Variants in CRPPA observed in about 807,000 individuals in gnomAD.
The protein encoded by CRPPA is CDP-L-ribitol pyrophosphorylase A, also known as D-ribitol-5-phosphate cytidylyltransferase.
CRPPA carries 43 observed loss-of-function variants against 52.0 expected under a neutral mutation model. The observed-to-expected ratio is 0.83, with a 90% CI of 0.65 to 1.07. The LOEUF (loss-of-function observed/expected upper bound fraction) is 1.07. Ranked by LOEUF, CRPPA falls within the 50% of genes least tolerant of loss-of-function variation. The pLI is 0.00. For synonymous variants in CRPPA, 250 were observed against 203.5 expected (o/e 1.23, Z -1.94); for missense variants, 629 against 551.7 (o/e 1.14, Z -1.40).
intron 2 of CRPPA, among the ~76,000 whole-genome samples, chr7:16,377,551 G>A (rs1255546937): frequency 6.6e-6 from 1 of 152,184 alleles, no homozygotes; most frequent in Non-Finnish European, 1.5e-5. Flanking sequence ...TGAAACTAGT[G>A]AAAAGTATTT....
chr7:16,315,449 C>T (rs1272589721), intron 3 of CRPPA, among the ~76,000 whole-genome samples: 1 of 152,108 alleles, frequency 6.6e-6, no homozygotes, highest in African/African-American at 2.4e-5. Flanking sequence ...CAAGGTAAAT[C>T]GGACTTGTAC....
intron 3 of CRPPA, among the ~76,000 whole-genome samples, chr7:16,336,948 T>C (rs908970033): frequency 6.6e-6 from 1 of 152,038 alleles, no homozygotes; most frequent in African/African-American, 2.4e-5. Flanking sequence ...AATTCATATA[T>C]AGGCATTCAA....
intron 5 of CRPPA, among the ~76,000 whole-genome samples, chr7:16,286,038 A>AAAAAAAAAAAAT (rs1784426837): frequency 5.7e-5 from 1 of 17,504 alleles, no homozygotes; most frequent in African/African-American, 3.8e-4. Flanking sequence ...AAAAAAAAAA[A>AAAAAAAAAAAAT]ATATAAATAT....
chr7:16,154,712 G>C (rs1783140103), intron 9 of CRPPA, among the ~76,000 whole-genome samples: 1 of 151,412 alleles, frequency 6.6e-6, no homozygotes, highest in Non-Finnish European at 1.5e-5. Flanking sequence ...CTTTCCAATA[G>C]TTATCCTTGA....
rs139317022 is a variant in CRPPA, at chr7:16,264,565, G to A, written c.934-5553C>T. On this transcript the variant is annotated intron_variant, in intron 6 of 9. Transcript: ENST00000407010. ...CATTAAGGCCTAACTAAGGCTGAAAGGTTTTGGTTCAATTCCCATGAGTCA... is the reference window on the plus strand; with the variant it reads ...CATTAAGGCCTAACTAAGGCTGAAAAGTTTTGGTTCAATTCCCATGAGTCA... 9.7e-4 allele frequency among the ~76,000 whole-genome samples: 148 copies of A among 152,286 alleles called. 3 individuals carry two copies. The South Asian group carries it at 0.03, about 31-fold the overall frequency.
At chr7:16,304,835 G>A (rs1298288805) in intron 4 of CRPPA, among the ~76,000 whole-genome samples, 4 of 152,074 alleles carry the variant, frequency 2.6e-5, no homozygotes, top group Non-Finnish European at 5.9e-5. Flanking sequence ...CCATGTTTCA[G>A]GATCTTCCTT....
At chr7:16,108,870 A>G (rs1782205426) in intron 9 of CRPPA, among the ~76,000 whole-genome samples, 1 of 151,938 alleles carries the variant, frequency 6.6e-6, no homozygotes, top group African/African-American at 2.4e-5. Context: ...CCAATGAATC[A>G]ATAAAGAAAA....
intron 3 of CRPPA, among the ~76,000 whole-genome samples, chr7:16,365,268 C>G (rs898747908): frequency 6.6e-6 from 1 of 152,308 alleles, no homozygotes; most frequent in Non-Finnish European, 1.5e-5. Context: ...CAGATGAACT[C>G]TCAGTCTTAG....
At chr7:16,413,330 C>T (rs56206818) in intron 1 of CRPPA, among the ~76,000 whole-genome samples, 44,371 of 152,044 alleles carry the variant, frequency 0.29, 6,612 homozygotes, top group South Asian at 0.38. Context: ...GTGTTCCATG[C>T]GGTCCTTTGG....
At chr7:16,377,502 A>C (rs928219897) in intron 2 of CRPPA, among the ~76,000 whole-genome samples, 1 of 152,256 alleles carries the variant, frequency 6.6e-6, no homozygotes, top group Non-Finnish European at 1.5e-5. Context: ...GAGACATCCA[A>C]AATGCCAATG....
intron 5 of CRPPA, among the ~76,000 whole-genome samples, chr7:16,282,159 T>A (rs1210382170): frequency 9.2e-5 from 14 of 152,140 alleles, no homozygotes; most frequent in Admixed American, 9.2e-4. Context: ...TTTTTTCTAT[T>A]TATATTTAAG....
At chr7:16,418,724 T>G (rs757222076) in intron 1 of CRPPA, among the ~76,000 whole-genome samples, 3 of 152,124 alleles carry the variant, frequency 2.0e-5, no homozygotes, top group Non-Finnish European at 4.4e-5. Context: ...CTGATCTCTG[T>G]CCCATGATTC....
chr7:16,204,673 A>C (rs1781929616), intron 9 of CRPPA, among the ~76,000 whole-genome samples: 1 of 152,148 alleles, frequency 6.6e-6, no homozygotes, highest in African/African-American at 2.4e-5. Flanking sequence ...TCATTTAGCC[A>C]CCATACCTAA....
At chr7:16,240,773 A>G (rs992564393) in intron 8 of CRPPA, among the ~76,000 whole-genome samples, 1 of 152,162 alleles carries the variant, frequency 6.6e-6, no homozygotes, top group African/African-American at 2.4e-5. Flanking sequence ...TAGAGTTAAC[A>G]GAGGAATAAG....
chr7:16,133,888 A>G (rs1407643701), intron 9 of CRPPA, among the ~76,000 whole-genome samples: 1 of 124,782 alleles, frequency 8.0e-6, no homozygotes, highest in Non-Finnish European at 1.8e-5. Context: ...AGTATTGTAA[A>G]TGTCCTTATG....
At chr7:16,400,873 C>G (rs922482919) in intron 2 of CRPPA, among the ~76,000 whole-genome samples, 1 of 152,196 alleles carries the variant, frequency 6.6e-6, no homozygotes, top group Non-Finnish European at 1.5e-5. Flanking sequence ...ACAAAGGATA[C>G]AACTGCTAAA....
intron 5 of CRPPA, among the ~76,000 whole-genome samples, chr7:16,299,093 T>C (rs1051195842): frequency 6.6e-6 from 1 of 152,222 alleles, no homozygotes; most frequent in African/African-American, 2.4e-5. Context: ...TCCTACTGGT[T>C]CTGTTTCTCT....
At chr7:16,178,975 A>G (rs1288749426) in intron 9 of CRPPA, among the ~76,000 whole-genome samples, 2 of 152,144 alleles carry the variant, frequency 1.3e-5, no homozygotes, top group Non-Finnish European at 2.9e-5. Context: ...AGATAAAGAA[A>G]TAGAGCAAAC....
chr7:16,254,792 G>GAAGGAAAGAAA (rs1783573898), intron 8 of CRPPA, among the ~76,000 whole-genome samples: 202 of 101,748 alleles, frequency 2.0e-3, no homozygotes, highest in African/African-American at 7.8e-3. Context: ...AAAGAAAGAA[G>GAAGGAAAGAAA]GAAAGAAAGA....
Sources: allele counts gnomAD v4.1 joint callset (sites outside exome capture counted in the v4.1 genomes callset), GRCh38; gene constraint gnomAD v4.1.1; transcripts MANE v1.5; gene names NCBI Gene and HGNC (gene_info 2026-07-23, HGNC 2026-07-21).